Variants in SIM1 observed in about 807,000 individuals in gnomAD.
SIM1 encodes SIM bHLH transcription factor 1.
SIM1 carries 18 observed loss-of-function variants against 78.2 expected under a neutral mutation model. That is an observed-to-expected ratio of 0.23 (90% CI 0.16 to 0.34). The LOEUF (loss-of-function observed/expected upper bound fraction) is 0.34, where lower values mean the gene tolerates loss of function less well. SIM1 is among the 10% of genes least tolerant of loss of function. The pLI is 1.00. For synonymous variants in SIM1, 417 were observed against 385.2 expected (o/e 1.08, Z -0.97); for missense variants, 939 against 975.1 (o/e 0.96, Z 0.49).
At chr6:100,412,601 AAG>A (rs1491208041) in intron 10 of SIM1, among the ~76,000 whole-genome samples, 11 of 110,684 alleles carry the variant, frequency 9.9e-5, no homozygotes, top group African/African-American at 3.3e-4. Context: ...GAAAGAAAGA[AAG>A]AAAGAAAGGA....
chr6:100,395,225 T>C (rs1030386494), intron 10 of SIM1, among the ~76,000 whole-genome samples: 1 of 152,208 alleles, frequency 6.6e-6, no homozygotes, highest in Admixed American at 6.5e-5. Flanking sequence ...GTGCCATTTA[T>C]TGAGAGCTTA....
At chr6:100,396,193 C>T (rs1265915340) in intron 10 of SIM1, 1 of 365,282 alleles carries the variant, frequency 2.7e-6, no homozygotes, top group African/African-American at 2.2e-5. Flanking sequence ...AAGTGCTATA[C>T]ATGTGTTCCT....
At chr6:100,449,743 C>T in intron 4 of SIM1, 44 bp from the exon 5 acceptor site, 1 of 1,508,016 alleles carries the variant, frequency 6.6e-7, no homozygotes, top group East Asian at 2.3e-5. Flanking sequence ...GGTGGAATGC[C>T]CGGTGAAGGG....
intron 3 of SIM1, among the ~76,000 whole-genome samples, chr6:100,450,925 G>A (rs1772499177): frequency 6.6e-6 from 1 of 152,132 alleles, no homozygotes; most frequent in Non-Finnish European, 1.5e-5. Context: ...GAGATGAGAG[G>A]CTTTACAAGG....
chr6:100,418,292 G>A lies in SIM1; in HGVS notation c.1167+2498C>T, dbSNP rs1021031155. 1.3e-4 allele frequency among the ~76,000 whole-genome samples: 19 copies of A among 151,870 alleles called. 1 individual carries two copies. Among genetic ancestry groups the A allele is most frequent in the African/African-American group, 4.4e-4 (18 of 41,346 alleles). The stretch of plus-strand genomic sequence containing the variant: ...GTATTGCTTGAGCCTAGGAGTTTGA[G>A]GCTGCAGTGAGCTAGGATCTTGCCA... On this transcript the variant is annotated intron_variant, in intron 10 of 11. Transcript: ENST00000369208.
Position 100,389,512 on chromosome 6 carries a change from C to G in SIM1, c.*849G>C, listed in dbSNP as rs1364777983. 1 of 397,822 alleles carries G rather than the reference C, an allele frequency of 2.5e-6. No homozygotes were observed. Among genetic ancestry groups the G allele is most frequent in the Non-Finnish European group, 4.4e-6 (1 of 225,674 alleles). The allele number at this position is 397,822 out of a possible 1,614,324, so 24.6% of individuals were successfully genotyped here. Reference sequence around the variant, plus strand: ...AATATGTTGTTTACTTATGCTGAGCCCTTAAATTGTGTTAAACTTTGAGAT... The same window carrying G: ...AATATGTTGTTTACTTATGCTGAGCGCTTAAATTGTGTTAAACTTTGAGAT... On this transcript the variant is annotated 3_prime_UTR_variant, in exon 12 of 12. Coordinates refer to ENST00000369208, the MANE Select transcript of SIM1 (RefSeq NM_005068.3).
intron 10 of SIM1, among the ~76,000 whole-genome samples, chr6:100,407,390 T>C (rs1771077412): frequency 2.0e-5 from 3 of 152,172 alleles, no homozygotes. Flanking sequence ...TTCCATGTCT[T>C]CATTTTGAAT....
chr6:100,405,081 AAATC>A (rs1382185658), intron 10 of SIM1, among the ~76,000 whole-genome samples: 48 of 152,150 alleles, frequency 3.2e-4, no homozygotes, highest in African/African-American at 1.1e-3. Flanking sequence ...CAGCAAAAAT[AAATC>A]TATATAATAC....
intron 9 of SIM1, among the ~76,000 whole-genome samples, chr6:100,446,293 C>T (rs1249730789): frequency 1.3e-5 from 2 of 152,206 alleles, no homozygotes; most frequent in African/African-American, 4.8e-5. Flanking sequence ...CACCCCTTCA[C>T]CAACTTCCTA....
chr6:100,445,570 A>G (rs1463120262), intron 9 of SIM1, among the ~76,000 whole-genome samples: 1 of 152,254 alleles, frequency 6.6e-6, no homozygotes, highest in Non-Finnish European at 1.5e-5. Flanking sequence ...ATCTACTGGA[A>G]AACAAAACAG....
rs755819698 is a variant in SIM1 at position 100,390,499 on chromosome 6, T to C, written c.2163A>G (p.Leu721=). The change falls in exon 12 of 12, where the codon TTA becomes TTG. Residue 721 remains leucine, a synonymous_variant. Transcript: ENST00000369208. The part of the protein sequence containing the change: ...YTLTGYALEH[L]YDSETIRNYS... ...AGTTTCTAATGGTTTCGCTGTCATATAAGTGCTCCAGGGCATATCCAGTTA... is the reference window on the plus strand; with the variant it reads ...AGTTTCTAATGGTTTCGCTGTCATACAAGTGCTCCAGGGCATATCCAGTTA... The C allele has an allele frequency of 1.2e-6, 2 of 1,614,172 alleles. No homozygotes were observed. The highest frequency in any genetic ancestry group is 4.5e-5 in the East Asian group (2 of 44,880).
intron 10 of SIM1, among the ~76,000 whole-genome samples, chr6:100,402,567 CTTTTTTTTTTT>C (rs869130841): frequency 6.5e-5 from 5 of 76,342 alleles, no homozygotes; most frequent in African/African-American, 1.4e-4. Flanking sequence ...TTTCTTTTCT[CTTTTTTTTTTT>C]TTTTTTTTTT....
intron 10 of SIM1, among the ~76,000 whole-genome samples, chr6:100,397,853 GATATGAAGTGGCACTTC>G (rs1239908320): frequency 8.5e-5 from 13 of 152,080 alleles, no homozygotes; most frequent in Non-Finnish European, 1.8e-4. Context: ...AAGGGTGAAA[GATATGAAGTGGCACTTC>G]ACTGGGCAGG....
chr6:100,451,193 C>G (rs1449530626), intron 3 of SIM1, among the ~76,000 whole-genome samples: 2 of 152,238 alleles, frequency 1.3e-5, no homozygotes, highest in East Asian at 1.9e-4. Flanking sequence ...AGGCAGGGGG[C>G]CCAGAGCCTG....
rs1770600305 is a variant in SIM1, at chr6:100,390,174, C to T, written c.*187G>A. The T allele has an allele frequency of 3.2e-6, 2 of 626,482 alleles. No homozygotes were observed. The highest frequency in any genetic ancestry group is 3.3e-5 in the Admixed American group (1 of 30,282). 38.8% of individuals were successfully genotyped at this position (626,482 alleles called of 1,614,324 possible). On this transcript the variant is annotated 3_prime_UTR_variant, in exon 12 of 12. Coordinates refer to ENST00000369208, the MANE Select transcript of SIM1 (RefSeq NM_005068.3). ...AAATTTGTGTATTCAATTTAGCTCCCTTTTCTGTGTATAACCCTGAATGCT... is the reference window on the plus strand; with the variant it reads ...AAATTTGTGTATTCAATTTAGCTCCTTTTTCTGTGTATAACCCTGAATGCT...
At chr6:100,425,368 A>G (rs968282059) in intron 9 of SIM1, among the ~76,000 whole-genome samples, 2 of 152,200 alleles carry the variant, frequency 1.3e-5, no homozygotes, top group African/African-American at 4.8e-5. Flanking sequence ...AATCTATTGC[A>G]GTATGGCCAG....
intron 9 of SIM1, among the ~76,000 whole-genome samples, chr6:100,422,829 TAA>T (rs748157722): frequency 2.6e-5 from 4 of 152,164 alleles, no homozygotes; most frequent in Non-Finnish European, 5.9e-5. Flanking sequence ...CTTGTCAATT[TAA>T]AATGGACAAA....
chr6:100,399,157 G>T (rs1582607317), intron 10 of SIM1, among the ~76,000 whole-genome samples: 1 of 151,954 alleles, frequency 6.6e-6, no homozygotes, highest in East Asian at 1.9e-4. Context: ...TTGTTATTGA[G>T]TTGCTATAGC....
intron 10 of SIM1, among the ~76,000 whole-genome samples, chr6:100,408,328 G>C (rs1771102649): frequency 6.6e-6 from 1 of 151,972 alleles, no homozygotes; most frequent in Admixed American, 6.6e-5. Flanking sequence ...AGCTGGTACT[G>C]TTATTGTATG....
Sources: allele counts gnomAD v4.1 joint callset (sites outside exome capture counted in the v4.1 genomes callset), GRCh38; gene constraint gnomAD v4.1.1; transcripts MANE v1.5; gene names NCBI Gene and HGNC (gene_info 2026-07-23, HGNC 2026-07-21).